The following SYK variants were observed in gnomAD, a reference collection of about 807,000 sequenced individuals.
SYK encodes the protein spleen associated tyrosine kinase.
A neutral mutation model predicts 77.8 loss-of-function variants in SYK; 16 were observed. That is an observed-to-expected ratio of 0.21 (90% confidence interval 0.14 to 0.31). The LOEUF (loss-of-function observed/expected upper bound fraction) is 0.31. Among genes scored for constraint, SYK ranks in the 10% least tolerant of loss-of-function variants. SYK has a pLI of 1.00. For synonymous variants in SYK, 312 were observed against 308.7 expected, an observed-to-expected ratio of 1.01 and a Z score of -0.11; for missense variants, 529 against 814.4, an observed-to-expected ratio of 0.65 and a Z score of 4.26.
chr9:90,884,389 GC>G (rs1828343366), intron 11 of SYK, among the ~76,000 whole-genome samples: 1 of 69,426 alleles, frequency 1.4e-5, no homozygotes, highest in Non-Finnish European at 3.0e-5. Context: ...GTGTATATAT[GC>G]ATACATACAC....
intron 11 of SYK, among the ~76,000 whole-genome samples, chr9:90,884,994 A>G (rs1668996128): frequency 6.8e-6 from 1 of 147,066 alleles, no homozygotes; most frequent in African/African-American, 2.5e-5. Flanking sequence ...ACATATATAT[A>G]CCCAACAACA....
intron 1 of SYK, among the ~76,000 whole-genome samples, chr9:90,838,516 G>C (rs899162326): frequency 6.6e-6 from 1 of 152,212 alleles, no homozygotes; most frequent in Non-Finnish European, 1.5e-5. Flanking sequence ...GGTCTCAAAA[G>C]AGCAAGGGAT....
At position 90,897,050 on chromosome 9, in the gene SYK, T is replaced by G. The variant is rs935451973; in HGVS notation, c.*1450T>G. The G allele has an allele frequency of 4.6e-6, 1 of 216,766 alleles. No homozygotes were observed. The highest frequency in any genetic ancestry group is 2.3e-5 in the African/African-American group (1 of 44,238). The allele number at this position is 216,766 out of a possible 1,614,324, so 13.4% of individuals were successfully genotyped here. A position where few individuals can be genotyped will look rare whatever the true frequency, so the allele number is the denominator to read the frequency against. ...AAAACAAACAAACAAAAAAACAACT[T>G]AAAGAGGTAATTTAGCCATCATTCT... is the stretch of plus-strand genomic sequence containing the variant. On this transcript the variant is annotated 3_prime_UTR_variant, in exon 14 of 14. Coordinates refer to ENST00000375754, the MANE Select transcript of SYK (RefSeq NM_003177.7).
In SYK at chr9:90,876,722, A is replaced by G. The variant is rs574064031; in HGVS notation, c.1182-849A>G. ...TGGGGCAAAATGATGTCTTTACAAT[A>G]CTGAGTCTTTCAATCTATAAACACA... is the stretch of plus-strand genomic sequence containing the variant. On this transcript the variant is annotated intron_variant, in intron 9 of 13. Transcript: ENST00000375754. Among the ~76,000 whole-genome samples the G allele has an allele frequency of 3.1e-4, 47 of 152,344 alleles. No individual in the cohort carries two copies. In the South Asian group the frequency reaches 4.8e-3, roughly 15 times the overall value.
rs140158043 is a variant in SYK at position 90,873,500 on chromosome 9, C to T, written c.916-704C>T. 7.4e-4 allele frequency among the ~76,000 whole-genome samples: 113 copies of T among 152,264 alleles called. No homozygotes were observed. In the East Asian group the frequency reaches 0.02, roughly 28 times the overall value. ...TAGGATAATGAGTAGATTTCCCCCC[C>T]CAGTTGTTTCATGATATAAACTGAT... On this transcript the variant is annotated intron_variant, in intron 7 of 13. Transcript: ENST00000375754.
intron 1 of SYK, among the ~76,000 whole-genome samples, chr9:90,812,738 GAT>G (rs780531193): frequency 1.7e-4 from 17 of 102,976 alleles, no homozygotes; most frequent in Admixed American, 7.9e-4. Context: ...CTCCCCATTT[GAT>G]ATGTGTGTGT....
At chr9:90,829,786 T>A (rs1825814124) in intron 1 of SYK, among the ~76,000 whole-genome samples, 2 of 152,244 alleles carry the variant, frequency 1.3e-5, no homozygotes, top group East Asian at 3.8e-4. Flanking sequence ...TATTTATAAC[T>A]ACACAGTTAA....
intron 1 of SYK, among the ~76,000 whole-genome samples, chr9:90,837,529 T>C (rs1210393353): frequency 6.6e-6 from 1 of 151,470 alleles, no homozygotes; most frequent in Admixed American, 6.6e-5. Flanking sequence ...AGAAGCACAG[T>C]GTGGTGGAGA....
intron 13 of SYK, among the ~76,000 whole-genome samples, chr9:90,893,135 G>A (rs1330568931): frequency 6.6e-6 from 1 of 152,204 alleles, no homozygotes; most frequent in Non-Finnish European, 1.5e-5. Flanking sequence ...GGGGCAGACA[G>A]GCAATAAACA....
In SYK at chr9:90,810,112, A is replaced by G. The variant is rs76914267; in HGVS notation, c.-42+8219A>G. 7.4e-3 allele frequency among the ~76,000 whole-genome samples: 1,132 copies of G among 152,168 alleles called. 18 individuals are homozygous for G. Among genetic ancestry groups the G allele is most frequent in the African/African-American group, 0.026 (1,059 of 41,498 alleles). On this transcript the variant is annotated intron_variant, in intron 1 of 13. Coordinates refer to ENST00000375754, the MANE Select transcript of SYK (RefSeq NM_003177.7). ...GCTGTGTCAGTGTCTGTTATGGAGG[A>G]ATGGAGTATCAGTCCGATCAGGCTT... is the stretch of plus-strand genomic sequence containing the variant.
rs577492690 is a variant in SYK, at chr9:90,815,545, G to C, written c.-42+13652G>C. Among the ~76,000 whole-genome samples the C allele has an allele frequency of 7.2e-5, 11 of 152,336 alleles. No individual in the cohort carries two copies. In the South Asian group the frequency reaches 2.3e-3, roughly 32 times the overall value. On this transcript the variant is annotated intron_variant, in intron 1 of 13. Coordinates refer to ENST00000375754, the MANE Select transcript of SYK (RefSeq NM_003177.7). ...CTTTCATGATTCAGCCTGACTCCAG[G>C]AAGTGCAGTCACGTGCTGCCCTCCT...
chr9:90,866,325 G>C (rs1165463261), intron 6 of SYK, among the ~76,000 whole-genome samples: 2 of 152,208 alleles, frequency 1.3e-5, no homozygotes, highest in East Asian at 3.9e-4. Context: ...CTCCAGTAGG[G>C]ACAATTGGCT....
intron 1 of SYK, among the ~76,000 whole-genome samples, chr9:90,830,537 C>T (rs1825843842): frequency 6.6e-6 from 1 of 151,806 alleles, no homozygotes. Flanking sequence ...CAGTCCCTGA[C>T]CAAACCAGCA....
At chr9:90,823,737 G>A (rs1825589479) in intron 1 of SYK, among the ~76,000 whole-genome samples, 1 of 152,078 alleles carries the variant, frequency 6.6e-6, no homozygotes, top group Non-Finnish European at 1.5e-5. Flanking sequence ...ATTTTGGAAT[G>A]TAGCAAAAGC....
intron 1 of SYK, among the ~76,000 whole-genome samples, chr9:90,829,183 G>A (rs1825788841): frequency 1.3e-5 from 2 of 152,090 alleles, no homozygotes; most frequent in Admixed American, 1.3e-4. Flanking sequence ...CAGCTACTCA[G>A]GAGGCTGAGG....
intron 1 of SYK, among the ~76,000 whole-genome samples, chr9:90,807,853 T>C (rs1297872439): frequency 6.6e-6 from 1 of 152,212 alleles, no homozygotes; most frequent in African/African-American, 2.4e-5. Context: ...TGGGGAGCAG[T>C]TGGAGCTCTA....
chr9:90,851,871 A>G (rs978075209), intron 3 of SYK, among the ~76,000 whole-genome samples: 4 of 152,214 alleles, frequency 2.6e-5, no homozygotes, highest in African/African-American at 9.6e-5. Flanking sequence ...TTTTTTTAAA[A>G]ATATAAAATT....
Position 90,852,433 on chromosome 9 carries a change from A to G in SYK, c.578+6839A>G, listed in dbSNP as rs773747442. On this transcript the variant is annotated intron_variant, in intron 3 of 13. Coordinates refer to ENST00000375754, the MANE Select transcript of SYK (RefSeq NM_003177.7). ...ACACACATCGCTCTGCTAAAATGTA[A>G]TGGGATGTGGCCTTCATTTCATCTT... 2.6e-5 allele frequency among the ~76,000 whole-genome samples: 4 copies of G among 152,346 alleles called. No individual in the cohort carries two copies. The East Asian group carries it at 7.7e-4, about 29-fold the overall frequency.
intron 1 of SYK, among the ~76,000 whole-genome samples, chr9:90,831,449 T>C (rs1825888703): frequency 6.6e-6 from 1 of 152,232 alleles, no homozygotes; most frequent in African/African-American, 2.4e-5. Context: ...ATTTATGAGA[T>C]AGGAGTAATA....
Sources: gnomAD v4.1 joint callset for allele counts (sites outside exome capture counted in the v4.1 genomes callset) on GRCh38, gnomAD v4.1.1 for gene constraint, MANE v1.5 for transcripts, NCBI Gene and HGNC (gene_info 2026-07-23, HGNC 2026-07-21) for gene names.